The following ZNF804A variants were observed in gnomAD, a reference collection of about 807,000 sequenced individuals.
ZNF804A encodes the protein zinc finger protein 804A.
Under a neutral mutation model 16.5 loss-of-function variants are expected in ZNF804A, and 2 were observed. The ratio of observed to expected loss-of-function variants is 0.12; its 90% CI spans 0.05 to 0.38. The LOEUF (loss-of-function observed/expected upper bound fraction) is 0.38. Ranked by LOEUF, ZNF804A falls within the 10% of genes least tolerant of loss-of-function variation. The pLI is 0.99. For missense variants in ZNF804A, 1,473 were observed against 1,390.7 expected (o/e 1.06, Z -0.94); for synonymous variants, 534 against 489.6 (o/e 1.09, Z -1.20).
At chr2:184,780,801 A>G (rs942140668) in intron 1 of ZNF804A, among the ~76,000 whole-genome samples, 1 of 151,794 alleles carries the variant, frequency 6.6e-6, no homozygotes, top group African/African-American at 2.4e-5. Flanking sequence ...ATTGAGTGCA[A>G]TGAGCAGTAA....
intron 1 of ZNF804A, among the ~76,000 whole-genome samples, chr2:184,853,153 C>A (rs1695631949): frequency 6.6e-6 from 1 of 151,718 alleles, no homozygotes; most frequent in Admixed American, 6.6e-5. Flanking sequence ...TTATTCACAT[C>A]CTTGGTTAAA....
chr2:184,805,037 T>C (rs1694781760), intron 1 of ZNF804A, among the ~76,000 whole-genome samples: 1 of 152,142 alleles, frequency 6.6e-6, no homozygotes, highest in South Asian at 2.1e-4. Flanking sequence ...CCACATAAGG[T>C]TGATGCTTCT....
At chr2:184,781,789 A>G (rs1245990159) in intron 1 of ZNF804A, among the ~76,000 whole-genome samples, 3 of 151,894 alleles carry the variant, frequency 2.0e-5, no homozygotes, top group East Asian at 3.9e-4. Flanking sequence ...TTCTTTTTGT[A>G]ATCAGAGCAG....
chr2:184,599,089 C>T lies in ZNF804A; in HGVS notation c.111+19C>T, dbSNP rs757121466. 4.4e-6 allele frequency: 5 copies of T among 1,142,482 alleles called. No homozygotes were observed. Among genetic ancestry groups the T allele is most frequent in the Non-Finnish European group, 6.0e-6 (5 of 837,562 alleles). 70.8% of individuals were successfully genotyped at this position (1,142,482 alleles called of 1,614,324 possible). A position where few individuals can be genotyped will look rare whatever the true frequency, so the allele number is the denominator to read the frequency against. ...AACTCTGGTAATCGCTTCTGTTTTC[C>T]TCTCTCTCTCTCTCATATTTAAGAG... On this transcript the variant is annotated intron_variant, in intron 1 of 3. Transcript: ENST00000302277.
At chr2:184,921,474 T>C (rs1439650467) in intron 2 of ZNF804A, among the ~76,000 whole-genome samples, 2 of 152,134 alleles carry the variant, frequency 1.3e-5, no homozygotes, top group African/African-American at 4.8e-5. Context: ...TACATTTTGT[T>C]TATTTTTTAA....
At chr2:184,887,649 GA>G (rs1684916954) in intron 2 of ZNF804A, among the ~76,000 whole-genome samples, 1 of 152,152 alleles carries the variant, frequency 6.6e-6, no homozygotes, top group African/African-American at 2.4e-5. Context: ...AAACGAGGAG[GA>G]AGCAAAAGCA....
chr2:184,868,295 G>A (rs73043278), intron 2 of ZNF804A, among the ~76,000 whole-genome samples: 6 of 151,968 alleles, frequency 3.9e-5, no homozygotes, highest in African/African-American at 9.7e-5. Context: ...TGCCTTCCCC[G>A]TAAGATAATA....
intron 2 of ZNF804A, among the ~76,000 whole-genome samples, chr2:184,885,902 C>G (rs1684881068): frequency 6.6e-6 from 1 of 152,208 alleles, no homozygotes; most frequent in East Asian, 1.9e-4. Context: ...TGGGACACAG[C>G]CAAATCATAT....
chr2:184,805,672 C>T (rs576144484), intron 1 of ZNF804A, among the ~76,000 whole-genome samples: 1 of 152,046 alleles, frequency 6.6e-6, no homozygotes, highest in South Asian at 2.1e-4. Context: ...AGATTTTAAC[C>T]TCTTTTTCAG....
chr2:184,912,841 A>G (rs1685384501), intron 2 of ZNF804A, among the ~76,000 whole-genome samples: 1 of 152,062 alleles, frequency 6.6e-6, no homozygotes, highest in Admixed American at 6.6e-5. Context: ...GGCCTTTATA[A>G]GATACATTAT....
intron 1 of ZNF804A, among the ~76,000 whole-genome samples, chr2:184,778,564 T>C (rs1004938479): frequency 6.6e-6 from 1 of 151,730 alleles, no homozygotes; most frequent in Non-Finnish European, 1.5e-5. Flanking sequence ...TGACACAATT[T>C]ACTTTTAAAC....
At chr2:184,933,959 G>C (rs1479177693) in intron 3 of ZNF804A, among the ~76,000 whole-genome samples, 4 of 151,704 alleles carry the variant, frequency 2.6e-5, no homozygotes, top group Non-Finnish European at 4.4e-5. Context: ...TGTAATTTTG[G>C]ATTAAAAAAT....
chr2:184,608,294 T>C (rs959371335), intron 1 of ZNF804A, among the ~76,000 whole-genome samples: 29 of 152,192 alleles, frequency 1.9e-4, no homozygotes, highest in Middle Eastern at 3.4e-3. Context: ...GGATTTGGGA[T>C]TGTGTGAGGT....
intron 1 of ZNF804A, among the ~76,000 whole-genome samples, chr2:184,689,192 G>C (rs183781184): frequency 6.6e-6 from 1 of 151,964 alleles, no homozygotes; most frequent in African/African-American, 2.4e-5. Context: ...TCTCTCCTTC[G>C]TCTCTGCTCC....
intron 1 of ZNF804A, among the ~76,000 whole-genome samples, chr2:184,622,566 A>G (rs866033124): frequency 6.6e-6 from 1 of 151,760 alleles, no homozygotes; most frequent in Admixed American, 6.6e-5. Context: ...TATTGAAACC[A>G]ATTTATGCCA....
intron 1 of ZNF804A, among the ~76,000 whole-genome samples, chr2:184,861,945 T>C (rs1486194421): frequency 6.6e-6 from 1 of 152,194 alleles, no homozygotes; most frequent in African/African-American, 2.4e-5. Flanking sequence ...AAAGAAAGGA[T>C]TCAGCCTTTA....
chr2:184,744,366 C>G (rs562020289), intron 1 of ZNF804A, among the ~76,000 whole-genome samples: 13 of 151,948 alleles, frequency 8.6e-5, no homozygotes, highest in African/African-American at 3.1e-4. Flanking sequence ...TGTTGAAACC[C>G]TAACCCCTAA....
intron 2 of ZNF804A, among the ~76,000 whole-genome samples, chr2:184,868,867 C>CA (rs939965030): frequency 4.6e-5 from 7 of 151,398 alleles, no homozygotes; most frequent in African/African-American, 1.7e-4. Flanking sequence ...TACCTGCAAC[C>CA]AAAAAAAACT....
intron 1 of ZNF804A, among the ~76,000 whole-genome samples, chr2:184,709,407 C>G (rs1168389821): frequency 6.6e-6 from 1 of 152,012 alleles, no homozygotes; most frequent in Admixed American, 6.6e-5. Flanking sequence ...GAATATCTAT[C>G]TATCTATCTA....
Sources: gnomAD v4.1 joint callset for allele counts (sites outside exome capture counted in the v4.1 genomes callset) on GRCh38, gnomAD v4.1.1 for gene constraint, MANE v1.5 for transcripts, NCBI Gene and HGNC (gene_info 2026-07-23, HGNC 2026-07-21) for gene names.